The following CELF2 variants were observed in gnomAD, a reference collection of about 807,000 sequenced individuals.
CELF2 encodes CUG triplet repeat RNA-binding protein 2.
Under a neutral mutation model 62.6 loss-of-function variants are expected in CELF2, and 8 were observed. The observed-to-expected ratio is 0.13, with a 90% CI of 0.07 to 0.23. The LOEUF (loss-of-function observed/expected upper bound fraction) is 0.23. CELF2 is among the 10% of genes least tolerant of loss of function. The pLI is 1.00. For synonymous variants in CELF2, 258 were observed against 250.0 expected, an observed-to-expected ratio of 1.03 and a Z score of -0.30; for missense variants, 333 against 671.0, an observed-to-expected ratio of 0.50 and a Z score of 5.56.
chr10:10,658,214 C>T, the CELF2 span, among the ~76,000 whole-genome samples: 2 of 152,136 alleles, frequency 1.3e-5, no homozygotes, highest in Non-Finnish European at 2.9e-5. Context: ...GCTTGTGGAC[C>T]ACTAGGATCA....
At position 11,178,968 on chromosome 10, in the gene CELF2, C is replaced by T. The variant is rs1565119236; in HGVS notation, c.271+13286C>T. Among the ~76,000 whole-genome samples, 1 of 152,202 alleles carries T rather than the reference C, an allele frequency of 6.6e-6. No individual in the cohort carries two copies. The highest frequency in any genetic ancestry group is 1.5e-5 in the Non-Finnish European group (1 of 68,038). ...TAAACCACACTGCATCCTCTCTTGC[C>T]CTCTGGCCACTTCCTCCACACCCCC... On this transcript the variant is annotated intron_variant, in intron 2 of 12. Transcript: ENST00000633077. This position sits in a 1 kb window ranked among gnomAD's most constrained non-coding sequence, Gnocchi z 4.3.
chr10:11,286,623 A>G (rs766371948), intron 8 of CELF2, among the ~76,000 whole-genome samples: 23 of 152,156 alleles, frequency 1.5e-4, no homozygotes, highest in Non-Finnish European at 2.6e-4. Context: ...CCTAAAGTAA[A>G]ACTGAAAAAT....
Position 11,316,902 on chromosome 10 carries a change from C to G in CELF2, c.1096+2644C>G, listed in dbSNP as rs1296061911. On this transcript the variant is annotated intron_variant, in intron 10 of 12. Coordinates refer to ENST00000633077, the MANE Select transcript of CELF2 (RefSeq NM_001326342.2). This position sits in a 1 kb window ranked among gnomAD's most constrained non-coding sequence, Gnocchi z 4.4. ...AAAGGGCTAAAAAACAGTACAGCGCCCTAAAAATGTAAGAATCATCCAGAT... is the reference window on the plus strand; with the variant it reads ...AAAGGGCTAAAAAACAGTACAGCGCGCTAAAAATGTAAGAATCATCCAGAT... 3 of 152,086 alleles carry G rather than the reference C, an allele frequency of 2.0e-5. No homozygotes were observed. The highest frequency in any genetic ancestry group is 4.4e-5 in the Non-Finnish European group (3 of 68,012). 9.4% of individuals were successfully genotyped at this position (152,086 alleles called of 1,614,324 possible).
At chr10:11,080,709 G>A (rs2073780432) in intron 1 of CELF2, among the ~76,000 whole-genome samples, 1 of 152,218 alleles carries the variant, frequency 6.6e-6, no homozygotes, top group Non-Finnish European at 1.5e-5. Flanking sequence ...CCTTATGTGG[G>A]TGGTTAATTT....
chr10:10,537,380 A>G, the CELF2 span, among the ~76,000 whole-genome samples: 1 of 152,172 alleles, frequency 6.6e-6, no homozygotes, highest in Non-Finnish European at 1.5e-5. Context: ...GAATCCAAGG[A>G]TATAAACCAT....
At chr10:10,737,355 T>C in the CELF2 span, among the ~76,000 whole-genome samples, 2 of 152,180 alleles carry the variant, frequency 1.3e-5, no homozygotes, top group Non-Finnish European at 2.9e-5. Context: ...TACTAAGTCA[T>C]ACCAAAAGAT....
intron 1 of CELF2, among the ~76,000 whole-genome samples, chr10:11,066,067 G>A (rs1048136968): frequency 6.6e-6 from 1 of 152,080 alleles, no homozygotes; most frequent in Non-Finnish European, 1.5e-5. Flanking sequence ...AGGGCGTAGG[G>A]AGGAGGAAAA....
At chr10:10,681,873 G>A in the CELF2 span, among the ~76,000 whole-genome samples, 1 of 152,274 alleles carries the variant, frequency 6.6e-6, no homozygotes. Flanking sequence ...AACCAAGTTT[G>A]TTTGTATTGC....
chr10:11,050,218 G>A (rs1050366551), intron 1 of CELF2, among the ~76,000 whole-genome samples: 2 of 152,200 alleles, frequency 1.3e-5, no homozygotes, highest in Admixed American at 6.5e-5. Context: ...AACAGTATTT[G>A]TGTCCCGAAC....
chr10:10,616,715 TGTGTGAGA>T, the CELF2 span, among the ~76,000 whole-genome samples: 22 of 131,774 alleles, frequency 1.7e-4, no homozygotes, highest in African/African-American at 4.4e-4. Context: ...TGTGTGTGTG[TGTGTGAGA>T]GAGAGAGAGA....
At chr10:11,168,300 G>A (rs1055129492) in intron 2 of CELF2, among the ~76,000 whole-genome samples, 1 of 152,144 alleles carries the variant, frequency 6.6e-6, no homozygotes, top group Non-Finnish European at 1.5e-5. Context: ...CTTAAAGTAT[G>A]TGGGCTGTCA....
chr10:11,050,510 T>C (rs1191934673), intron 1 of CELF2, among the ~76,000 whole-genome samples: 2 of 152,322 alleles, frequency 1.3e-5, no homozygotes, highest in East Asian at 3.9e-4. Flanking sequence ...TCTGCTGGAC[T>C]GTAGCAGCTC....
Position 11,247,852 on chromosome 10 carries a change from G to C in CELF2, c.355-1301G>C, listed in dbSNP as rs757091967. ...GTCACATTCCTCAGCCCAACTCATGGCTTTCCACAGGTGACTTGTCCTGCT... is the reference window on the plus strand; with the variant it reads ...GTCACATTCCTCAGCCCAACTCATGCCTTTCCACAGGTGACTTGTCCTGCT... On this transcript the variant is annotated intron_variant, in intron 3 of 12. Transcript: ENST00000633077. The surrounding 1 kb of genome is among the most constrained non-coding windows in gnomAD (Gnocchi z 5.4). 2.0e-5 allele frequency among the ~76,000 whole-genome samples: 3 copies of C among 152,128 alleles called. No homozygotes were observed. Among genetic ancestry groups the C allele is most frequent in the Non-Finnish European group, 4.4e-5 (3 of 68,024 alleles).
Position 11,011,342 on chromosome 10 carries a change from G to A in CELF2, c.53+5902G>A, listed in dbSNP as rs2056431308. On this transcript the variant is annotated intron_variant, in intron 1 of 12. Transcript: ENST00000416382. The surrounding 1 kb of genome is among the most constrained non-coding windows in gnomAD (Gnocchi z 4.6). ...CAAAGAGTAGACAGTGAATGAGGAGGGGTCAAGTGGCGAGATGCAGAGACA... is the reference window on the plus strand; with the variant it reads ...CAAAGAGTAGACAGTGAATGAGGAGAGGTCAAGTGGCGAGATGCAGAGACA... Among the ~76,000 whole-genome samples the A allele has an allele frequency of 6.6e-6, 1 of 151,786 alleles. No homozygotes were observed. The highest frequency in any genetic ancestry group is 6.6e-5 in the Admixed American group (1 of 15,244).
the CELF2 span, among the ~76,000 whole-genome samples, chr10:10,471,732 C>T: frequency 1.2e-4 from 18 of 151,806 alleles, no homozygotes; most frequent in African/African-American, 3.9e-4. Context: ...GTTGATATAG[C>T]CTGTATATAA....
At chr10:11,222,944 C>T (rs2065328686) in intron 3 of CELF2, among the ~76,000 whole-genome samples, 1 of 152,216 alleles carries the variant, frequency 6.6e-6, no homozygotes, top group African/African-American at 2.4e-5. Context: ...ATACCTTCCA[C>T]ACGTACACCT....
intron 1 of CELF2, among the ~76,000 whole-genome samples, chr10:10,825,501 C>T (rs888227810): frequency 3.9e-5 from 6 of 152,166 alleles, no homozygotes; most frequent in Admixed American, 1.3e-4. Flanking sequence ...TGAGCCACCG[C>T]GCCCAGCTGG....
At chr10:10,521,086 C>T in the CELF2 span, among the ~76,000 whole-genome samples, 1 of 152,154 alleles carries the variant, frequency 6.6e-6, no homozygotes, top group Non-Finnish European at 1.5e-5. Flanking sequence ...GCAGGGTCAG[C>T]ACTGAGCAAG....
At chr10:10,601,844 T>A in the CELF2 span, among the ~76,000 whole-genome samples, 1 of 152,088 alleles carries the variant, frequency 6.6e-6, no homozygotes, top group East Asian at 1.9e-4. Flanking sequence ...ACCCAGGTAT[T>A]AAGCCCAGCA....
Sources: gnomAD v4.1 joint callset for allele counts (sites outside exome capture counted in the v4.1 genomes callset) on GRCh38, gnomAD v4.1.1 for gene constraint, Gnocchi (gnomAD v3.1) non-coding constraint, MANE v1.5 for transcripts, NCBI Gene and HGNC (gene_info 2026-07-23, HGNC 2026-07-21) for gene names.